DHX34: variants seen among roughly 807,000 people sequenced by gnomAD.
DHX34 encodes the protein probable ATP-dependent RNA helicase DHX34.
In DHX34, 96 loss-of-function variants were observed where a neutral mutation model predicts 111.1. The ratio of observed to expected loss-of-function variants is 0.86; its 90% confidence interval spans 0.73 to 1.02. The LOEUF is 1.02. Ranked by LOEUF, DHX34 falls within the 50% of genes least tolerant of loss-of-function variation. DHX34 has a pLI of 0.00. For missense variants in DHX34, 1,560 were observed against 1,579.9 expected (o/e 0.99, Z 0.21); for synonymous variants, 688 against 670.4 (o/e 1.03, Z -0.41).
rs562022740 is a variant in DHX34, at chr19:47,375,380, C to T, written c.2065-86C>T. 3.7e-5 allele frequency: 54 copies of T among 1,450,564 alleles called. No individual in the cohort carries two copies. In the South Asian group the frequency reaches 7.0e-4, roughly 19 times the overall value. The allele number at this position is 1,450,564 out of a possible 1,614,324, so 89.9% of individuals were successfully genotyped here. A position where few individuals can be genotyped will look rare whatever the true frequency, so the allele number is the denominator to read the frequency against. On this transcript the variant is annotated intron_variant, in intron 9 of 16. Transcript: ENST00000328771. ...CAGCCCCCTTTGGGCACTAGCAGCC[C>T]TGCCACTGGGAGGGTCCCCATTTCC... is the stretch of plus-strand genomic sequence containing the variant.
intron 7 of DHX34, among the ~76,000 whole-genome samples, chr19:47,369,287 A>G (rs1211709665): frequency 1.3e-5 from 2 of 152,022 alleles, no homozygotes; most frequent in African/African-American, 4.8e-5. Context: ...GATTACAGGC[A>G]TGAGCCACTG....
At chr19:47,354,529 T>TA (rs1368979862) in intron 2 of DHX34, among the ~76,000 whole-genome samples, 2 of 152,226 alleles carry the variant, frequency 1.3e-5, no homozygotes, top group African/African-American at 4.8e-5. Context: ...AGGAGAACTA[T>TA]AAGGGATGGC....
chr19:47,377,173 C>T lies in DHX34; in HGVS notation c.2673C>T (p.Tyr891=), dbSNP rs374278350. 1.9e-6 allele frequency: 3 copies of T among 1,613,972 alleles called. No individual in the cohort carries two copies. The highest frequency in any genetic ancestry group is 2.5e-6 in the Non-Finnish European group (3 of 1,179,974). The change falls in exon 13 of 17, where the codon TAC becomes TAT. Residue 891 remains tyrosine, a synonymous_variant. Coordinates refer to ENST00000328771, the MANE Select transcript of DHX34 (RefSeq NM_014681.6). ...CCCTGCTGGAGACCAACAAGCCGTA[C>T]CTGGTGAACTGCGTCCGCATCCCTG... The part of the protein sequence containing the change: ...FVSLLETNKP[Y]LVNCVRIPAL...
chr19:47,355,277 A>C lies in DHX34; in HGVS notation c.944A>C (p.Asn315Thr), dbSNP rs1286743488. 6.8e-6 allele frequency: 11 copies of C among 1,613,966 alleles called. No individual in the cohort carries two copies. The highest frequency in any genetic ancestry group is 1.3e-5 in the African/African-American group (1 of 74,896). The change falls in exon 3 of 17, where the codon AAC (asparagine) becomes ACC (threonine). Residue 315 changes from asparagine (N) to threonine (T), a missense_variant. Physicochemically the swap from Asn to Thr is moderately conservative, Grantham distance 65. Transcript: ENST00000328771. ...LKVILMSATI[N>T]ISLFSSYFSN... Reference sequence around the variant, plus strand: ...GTCATCCTCATGTCGGCCACCATCAACATCTCGCTCTTCTCCAGCTATTTC... The same window carrying C: ...GTCATCCTCATGTCGGCCACCATCACCATCTCGCTCTTCTCCAGCTATTTC...
At chr19:47,355,467 CT>C in intron 3 of DHX34, 117 bp downstream of exon 3, 1 of 1,439,854 alleles carries the variant, frequency 6.9e-7, no homozygotes, top group South Asian at 1.4e-5. Context: ...TAAAGATGTT[CT>C]CTTTTTTTAA....
intron 2 of DHX34, 73 bp from the exon 3 acceptor site, chr19:47,354,966 C>A: frequency 6.4e-7 from 1 of 1,567,282 alleles, no homozygotes; most frequent in South Asian, 1.2e-5. Flanking sequence ...CTTAGATTTT[C>A]AATTTGGGCA....
intron 14 of DHX34, 123 bp downstream of exon 14, chr19:47,380,108 G>C: frequency 7.0e-7 from 1 of 1,420,504 alleles, no homozygotes; most frequent in South Asian, 1.5e-5. Context: ...GGGTTTTCAG[G>C]CCACAGAGGT....
chr19:47,350,451 C>T (rs910051467), intron 1 of DHX34, among the ~76,000 whole-genome samples: 1 of 143,870 alleles, frequency 7.0e-6, no homozygotes, highest in Admixed American at 7.1e-5. Context: ...GATGGAGTTT[C>T]GCTCTTGTTG....
chr19:47,361,552 G>A (rs940464892), intron 5 of DHX34, among the ~76,000 whole-genome samples: 4 of 152,078 alleles, frequency 2.6e-5, no homozygotes, highest in Non-Finnish European at 5.9e-5. Context: ...GCTGAGGCAG[G>A]TGGATCACCT....
At chr19:47,380,773 C>G (rs1325227369) in intron 14 of DHX34, 43 bp from the exon 15 acceptor site, 12 of 1,611,232 alleles carry the variant, frequency 7.4e-6, no homozygotes, top group Non-Finnish European at 1.0e-5. Flanking sequence ...GGCGGCATCT[C>G]CCTGAGTCTG....
Position 47,379,828 on chromosome 19 carries a change from C to T in DHX34, c.2825C>T (p.Ala942Val), listed in dbSNP as rs777759744. 6.2e-7 allele frequency: 1 copy of T among 1,613,720 alleles called. No homozygotes were observed. Among genetic ancestry groups the T allele is most frequent in the African/African-American group, 1.3e-5 (1 of 74,952 alleles). Reference protein sequence around the residue: ...DSESAIRLLAASLRLRARWES... With the variant: ...DSESAIRLLAVSLRLRARWES... ...GAAAGTGCCATCCGACTCCTGGCGG[C>T]TTCCCTGCGGCTCCGTGCCCGCTGG... is the stretch of plus-strand genomic sequence containing the variant. The change falls in exon 14 of 17, where the codon GCT (alanine) becomes GTT (valine). Residue 942 changes from alanine (A) to valine (V), a missense_variant. Coordinates refer to ENST00000328771, the MANE Select transcript of DHX34 (RefSeq NM_014681.6).
intron 12 of DHX34, 75 bp downstream of exon 12, chr19:47,376,635 T>A: frequency 6.6e-7 from 1 of 1,513,494 alleles, no homozygotes; most frequent in East Asian, 2.5e-5. Context: ...CCCAGGCCCC[T>A]CTGGCTGGGG....
chr19:47,374,271 T>C (rs1847226340), intron 9 of DHX34, among the ~76,000 whole-genome samples: 2 of 151,926 alleles, frequency 1.3e-5, no homozygotes, highest in Non-Finnish European at 2.9e-5. Flanking sequence ...ACTCCGTCTC[T>C]TCTAAAAATA....
intron 7 of DHX34, 135 bp from the exon 8 acceptor site, chr19:47,372,595 C>G (rs1969997179): frequency 2.8e-6 from 4 of 1,416,192 alleles, no homozygotes; most frequent in Non-Finnish European, 3.7e-6. Context: ...CCATCTGGGT[C>G]ACAAGACCCT....
At chr19:47,349,731 T>A (rs1599747257) in intron 1 of DHX34, among the ~76,000 whole-genome samples, 1 of 151,664 alleles carries the variant, frequency 6.6e-6, no homozygotes, top group Admixed American at 6.6e-5. Context: ...GCCCATGAAC[T>A]TGGGGAGTGG....
At position 47,381,283 on chromosome 19, in the gene DHX34, A is replaced by T. The variant is rs1211990298; in HGVS notation, c.3257A>T (p.His1086Leu). 1 of 1,613,862 alleles carries T rather than the reference A, an allele frequency of 6.2e-7. No homozygotes were observed. Among genetic ancestry groups the T allele is most frequent in the South Asian group, 1.1e-5 (1 of 91,064 alleles). Residue 1086 changes from histidine (H) to leucine (L), a missense_variant, in exon 16 of 17, where the codon CAT (histidine) becomes CTT (leucine). Coordinates refer to ENST00000328771, the MANE Select transcript of DHX34 (RefSeq NM_014681.6). ...APLTPLERIA[H>L]ENTCPQAPQD... The stretch of plus-strand genomic sequence containing the variant: ...CTCACGCCCCTGGAGCGCATCGCCC[A>T]TGAGAACACCTGCCCCCAGGCCCCA...
chr19:47,364,446 AT>A (rs1219719580), intron 6 of DHX34, among the ~76,000 whole-genome samples: 1 of 152,060 alleles, frequency 6.6e-6, no homozygotes, highest in Non-Finnish European at 1.5e-5. Flanking sequence ...AAAAAAAAAA[AT>A]ACTAGTGCTG....
In DHX34 at chr19:47,375,469, CTGT is replaced by C; in HGVS notation, c.2071_2073del (p.Leu691del). 6.3e-7 allele frequency: 1 copy of C among 1,583,350 alleles called. No homozygotes were observed. Among genetic ancestry groups the C allele is most frequent in the Non-Finnish European group, 8.5e-7 (1 of 1,171,996 alleles). ...ACCCCTACCCACCTGCCCCTAGGAG[CTGT>C]TGGAGGACCACGGGCTGCTGGCTGG... is the stretch of plus-strand genomic sequence containing the variant. On this transcript the variant is annotated inframe_deletion, in exon 10 of 17. Coordinates refer to ENST00000328771, the MANE Select transcript of DHX34 (RefSeq NM_014681.6).
intron 6 of DHX34, among the ~76,000 whole-genome samples, chr19:47,364,484 G>C (rs984882772): frequency 2.6e-5 from 4 of 152,144 alleles, no homozygotes; most frequent in Non-Finnish European, 4.4e-5. Context: ...ACTCATGCCT[G>C]TTATCCCAGC....
Sources: gnomAD v4.1 joint callset for allele counts (sites outside exome capture counted in the v4.1 genomes callset) on GRCh38, gnomAD v4.1.1 for gene constraint, MANE v1.5 for transcripts, NCBI Gene and HGNC (gene_info 2026-07-23, HGNC 2026-07-21) for gene names.